The following ACP3 variants were observed in gnomAD, a reference collection of about 807,000 sequenced individuals.
ACP3 encodes the protein acid phosphatase 3.
Under a neutral mutation model 45.6 loss-of-function variants are expected in ACP3, and 38 were observed. That is an observed-to-expected ratio of 0.83 (90% confidence interval 0.64 to 1.09). The LOEUF is 1.09. Ranked by LOEUF, ACP3 falls within the 50% of genes least tolerant of loss-of-function variation. The probability of loss-of-function intolerance (pLI) is 0.00; values close to 1 mark genes in which losing one functional copy is unlikely to be tolerated. For synonymous variants in ACP3, 162 were observed against 164.7 expected, an observed-to-expected ratio of 0.98 and a Z score of 0.13; for missense variants, 466 against 463.2, an observed-to-expected ratio of 1.01 and a Z score of -0.05.
intron 6 of ACP3, among the ~76,000 whole-genome samples, chr3:132,343,510 C>T (rs530786388): frequency 6.6e-6 from 1 of 152,298 alleles, no homozygotes; most frequent in East Asian, 1.9e-4. Flanking sequence ...CAAGAGCCCC[C>T]ATTTTTGTTC....
chr3:132,349,910 CT>C lies in ACP3; in HGVS notation c.782-8del. 6.2e-7 allele frequency: 1 copy of C among 1,601,220 alleles called. No individual in the cohort carries two copies. The highest frequency in any genetic ancestry group is 1.7e-4 in the Middle Eastern group (1 of 6,026). ...TGGTTCAGTTTGGTTATTGATTCAT[CT>C]TCTTTAAGGTGTCCTGGTCAATGAA... On this transcript the variant is annotated splice_polypyrimidine_tract_variant and intron_variant, in intron 7 of 9. Transcript: ENST00000336375.
chr3:132,367,890 G>C, exon 11 of ACP3: 1 of 1,215,734 alleles, frequency 8.2e-7, no homozygotes, highest in Non-Finnish European at 1.2e-6. Flanking sequence ...CGCATCTAAA[G>C]GACAGGCTTT....
At chr3:132,344,076 G>A (rs1229072943) in intron 6 of ACP3, among the ~76,000 whole-genome samples, 2 of 152,124 alleles carry the variant, frequency 1.3e-5, no homozygotes, top group Non-Finnish European at 2.9e-5. Context: ...TCAGGAGTTC[G>A]AGACCAGCCT....
rs57236858 is a variant in ACP3 at position 132,353,799 on chromosome 3, C to T, written c.968+976C>T. 2.9e-3 allele frequency among the ~76,000 whole-genome samples: 434 copies of T among 152,276 alleles called. 1 individual carries two copies. The highest frequency in any genetic ancestry group is 9.9e-3 in the African/African-American group (411 of 41,552). ...ACAATGGGCCCTGTATTTCATCTTG[C>T]AAATTTTGTAGTCTTGGATGTAGCT... On this transcript the variant is annotated intron_variant, in intron 9 of 9. Transcript: ENST00000336375.
chr3:132,339,571 T>A (rs1286294432), intron 5 of ACP3, among the ~76,000 whole-genome samples: 1 of 152,224 alleles, frequency 6.6e-6, no homozygotes, highest in Non-Finnish European at 1.5e-5. Flanking sequence ...GTTCGATCAG[T>A]TTGCAGGGGC....
chr3:132,323,749 G>A (rs773581475), intron 1 of ACP3, among the ~76,000 whole-genome samples: 11 of 152,230 alleles, frequency 7.2e-5, no homozygotes, highest in Admixed American at 6.5e-4. Flanking sequence ...GAATATCAAG[G>A]TGGGTAGGGA....
intron 9 of ACP3, among the ~76,000 whole-genome samples, chr3:132,355,938 A>C (rs1379958697): frequency 1.3e-5 from 2 of 152,188 alleles, no homozygotes; most frequent in African/African-American, 4.8e-5. Flanking sequence ...CAAAAGAAGG[A>C]TCTCTAAATC....
At position 132,327,041 on chromosome 3, in the gene ACP3, T is replaced by C. The variant is rs1937309208; in HGVS notation, c.121-1226T>C. On this transcript the variant is annotated intron_variant, in intron 1 of 9. Transcript: ENST00000336375. ...AGACTACTCTTCCCAAAGAGAAATGTGCAATCACAATAGCATGACATGGGT... is the reference window on the plus strand; with the variant it reads ...AGACTACTCTTCCCAAAGAGAAATGCGCAATCACAATAGCATGACATGGGT... Among the ~76,000 whole-genome samples, 4 of 152,362 alleles carry C rather than the reference T, an allele frequency of 2.6e-5. No homozygotes were observed. In the South Asian group the frequency reaches 8.3e-4, roughly 32 times the overall value.
intron 1 of ACP3, among the ~76,000 whole-genome samples, chr3:132,322,967 T>C (rs555424054): frequency 6.6e-6 from 1 of 152,340 alleles, no homozygotes; most frequent in Non-Finnish European, 1.5e-5. Context: ...TGTCCTGTCA[T>C]GCCTTCTGCC....
At position 132,337,435 on chromosome 3, in the gene ACP3, T is replaced by G. The variant is rs374109357; in HGVS notation, c.457-21T>G. On this transcript the variant is annotated intron_variant, in intron 4 of 9. Coordinates refer to ENST00000336375, the MANE Select transcript of ACP3 (RefSeq NM_001099.5). ...GTTTTTCTGACTCATAACAGTTTTA[T>G]GATTTTTCTCTTATCCTCAGTTGCT... 237 of 1,527,784 alleles carry G rather than the reference T, an allele frequency of 1.6e-4. 2 individuals are homozygous for G. In the South Asian group the frequency reaches 2.2e-3, roughly 14 times the overall value. The allele number at this position is 1,527,784 out of a possible 1,614,324, so 94.6% of individuals were successfully genotyped here. A position where few individuals can be genotyped will look rare whatever the true frequency, so the allele number is the denominator to read the frequency against.
At chr3:132,337,324 C>T (rs1576415883) in intron 4 of ACP3, 132 bp from the exon 5 acceptor site, 3 of 539,054 alleles carry the variant, frequency 5.6e-6, no homozygotes, top group Admixed American at 3.2e-5. Context: ...GGAATTTCCA[C>T]TCAGCTCAAA....
downstream of ACP3, among the ~76,000 whole-genome samples, chr3:132,362,159 C>CT (rs1938052461): frequency 6.6e-6 from 1 of 152,004 alleles, no homozygotes; most frequent in Non-Finnish European, 1.5e-5. Context: ...CCATCAGTGT[C>CT]TAATTCAGTG....
At chr3:132,331,604 GA>G (rs1209280119) in intron 2 of ACP3, 42 bp from the exon 3 acceptor site, 1 of 1,466,638 alleles carries the variant, frequency 6.8e-7, no homozygotes, top group Non-Finnish European at 9.3e-7. Flanking sequence ...GTGATTCATA[GA>G]ACTTACTTTC....
chr3:132,358,822 C>T lies in ACP3; in HGVS notation c.*1944C>T. ...GTGTGTGTTTAATTAGAATAAAATTCCTCTAGGCAGATTTCAGGAGCTCCC... is the reference window on the plus strand; with the variant it reads ...GTGTGTGTTTAATTAGAATAAAATTTCTCTAGGCAGATTTCAGGAGCTCCC... On this transcript the variant is annotated 3_prime_UTR_variant, in exon 10 of 10. Transcript: ENST00000336375. 1.0e-6 allele frequency: 1 copy of T among 985,252 alleles called. No homozygotes were observed. The highest frequency in any genetic ancestry group is 1.2e-6 in the Non-Finnish European group (1 of 829,798). The allele number at this position is 985,252 out of a possible 1,614,324, so 61.0% of individuals were successfully genotyped here.
chr3:132,344,445 G>GAA (rs1217582913), intron 6 of ACP3, among the ~76,000 whole-genome samples: 1 of 136,506 alleles, frequency 7.3e-6, no homozygotes, highest in African/African-American at 2.7e-5. Flanking sequence ...CAATGTCTCT[G>GAA]AAAAAAAAAA....
chr3:132,352,450 G>A (rs184743676), intron 8 of ACP3, among the ~76,000 whole-genome samples: 2 of 151,048 alleles, frequency 1.3e-5, no homozygotes, highest in Admixed American at 1.3e-4. Context: ...CACCTGCCTC[G>A]GGCTCCCAAA....
intron 7 of ACP3, among the ~76,000 whole-genome samples, chr3:132,348,498 T>A (rs1041667276): frequency 1.3e-5 from 2 of 152,124 alleles, no homozygotes; most frequent in African/African-American, 4.8e-5. Context: ...AAGGGTGTAA[T>A]CATACCAGAA....
chr3:132,357,098 C>A lies in ACP3; in HGVS notation c.*220C>A. The A allele has an allele frequency of 7.8e-7, 1 of 1,278,756 alleles. No individual in the cohort carries two copies. Among genetic ancestry groups the A allele is most frequent in the Non-Finnish European group, 9.9e-7 (1 of 1,009,476 alleles). The allele number at this position is 1,278,756 out of a possible 1,614,324, so 79.2% of individuals were successfully genotyped here. A position where few individuals can be genotyped will look rare whatever the true frequency, so the allele number is the denominator to read the frequency against. ...AGCTAAGTTTTGTTTTGTTTTTCAG[C>A]GTTAATGTAAAGGGGCAGCAGTGCC... On this transcript the variant is annotated 3_prime_UTR_variant, in exon 10 of 10. Coordinates refer to ENST00000336375, the MANE Select transcript of ACP3 (RefSeq NM_001099.5).
intron 8 of ACP3, among the ~76,000 whole-genome samples, chr3:132,350,397 T>C (rs1937700548): frequency 6.6e-6 from 1 of 152,144 alleles, no homozygotes. Context: ...ATAAAGTAAA[T>C]TATTAGGACA....
Sources: gnomAD v4.1 joint callset for allele counts (sites outside exome capture counted in the v4.1 genomes callset) on GRCh38, gnomAD v4.1.1 for gene constraint, MANE v1.5 for transcripts, NCBI Gene and HGNC (gene_info 2026-07-23, HGNC 2026-07-21) for gene names.